Variants in SCN11A observed in about 807,000 individuals in gnomAD.
SCN11A encodes the protein sodium voltage-gated channel alpha subunit 11, also known as sodium channel protein type 11 subunit alpha.
Under a neutral mutation model 162.2 loss-of-function variants are expected in SCN11A, and 122 were observed. The ratio of observed to expected loss-of-function variants is 0.75; its 90% CI spans 0.65 to 0.87. The LOEUF is 0.87. SCN11A is among the 40% of genes least tolerant of loss of function. The probability of loss-of-function intolerance (pLI) is 0.00; values close to 1 mark genes in which losing one functional copy is unlikely to be tolerated. For missense variants in SCN11A, 2,015 were observed against 2,181.6 expected (o/e 0.92, Z 1.52); for synonymous variants, 758 against 751.5 (o/e 1.01, Z -0.14).
intron 2 of SCN11A, among the ~76,000 whole-genome samples, chr3:38,965,149 C>A (rs893766211): frequency 1.3e-5 from 2 of 152,226 alleles, no homozygotes; most frequent in Non-Finnish European, 1.5e-5. Flanking sequence ...CTAATGGAGA[C>A]TCCTAGTAGA....
chr3:39,014,408 C>CT (rs1188698818), intron 2 of SCN11A, among the ~76,000 whole-genome samples: 1 of 152,202 alleles, frequency 6.6e-6, no homozygotes, highest in East Asian at 1.9e-4. Context: ...AAAGGAGCCC[C>CT]TCCCATTTCC....
chr3:39,035,985 T>C (rs1445372133), intron 1 of SCN11A, among the ~76,000 whole-genome samples: 1 of 152,170 alleles, frequency 6.6e-6, no homozygotes, highest in Non-Finnish European at 1.5e-5. Flanking sequence ...GCTAGTCCAA[T>C]CCTCCTTAGG....
chr3:38,901,854 G>A lies in SCN11A; in HGVS notation c.1843-1781C>T, dbSNP rs547428594. On this transcript the variant is annotated intron_variant, in intron 16 of 29. Coordinates refer to ENST00000302328, the MANE Select transcript of SCN11A (RefSeq NM_001349253.2). ...AATTTTTAGGAGCTAGGGTGCAGCT[G>A]CTGCCTGTGTACTTGGAAAACAACA... 4.6e-5 allele frequency among the ~76,000 whole-genome samples: 7 copies of A among 152,306 alleles called. No homozygotes were observed. In the East Asian group the frequency reaches 1.4e-3, roughly 29 times the overall value.
intron 2 of SCN11A, among the ~76,000 whole-genome samples, chr3:39,025,583 G>A (rs1013566186): frequency 1.3e-5 from 2 of 151,970 alleles, no homozygotes; most frequent in South Asian, 4.1e-4. Context: ...CATGGCATTT[G>A]TAAACTGTCA....
intron 7 of SCN11A, among the ~76,000 whole-genome samples, chr3:38,937,666 C>A (rs2066358434): frequency 6.6e-6 from 1 of 152,014 alleles, no homozygotes; most frequent in African/African-American, 2.4e-5. Context: ...ATCAAAACCA[C>A]AATGAGATAC....
At chr3:38,913,453 T>C (rs1160182866) in intron 11 of SCN11A, among the ~76,000 whole-genome samples, 5 of 152,142 alleles carry the variant, frequency 3.3e-5, no homozygotes, top group African/African-American at 1.2e-4. Flanking sequence ...AATAGTTTTT[T>C]GGTTTTTGTT....
chr3:38,949,443 G>A (rs1415896756), intron 5 of SCN11A, among the ~76,000 whole-genome samples: 1 of 152,190 alleles, frequency 6.6e-6, no homozygotes, highest in Admixed American at 6.5e-5. Context: ...CATAGAATCT[G>A]CATGTGCCCA....
At chr3:38,886,011 C>T (rs2065391539) in intron 20 of SCN11A, 114 bp downstream of exon 20, 1 of 665,468 alleles carries the variant, frequency 1.5e-6, no homozygotes, top group East Asian at 2.6e-5. Context: ...TTGCTCAAAA[C>T]TCGATTCTTG....
chr3:38,953,061 G>A (rs1361198514), intron 4 of SCN11A, among the ~76,000 whole-genome samples: 1 of 151,642 alleles, frequency 6.6e-6, no homozygotes, highest in East Asian at 1.9e-4. Flanking sequence ...TTTTTTTGTT[G>A]TTGTTGTTGT....
intron 1 of SCN11A, among the ~76,000 whole-genome samples, chr3:39,038,354 A>G (rs1268760233): frequency 5.3e-5 from 8 of 152,210 alleles, no homozygotes; most frequent in African/African-American, 1.9e-4. Context: ...CTCATTTTCT[A>G]TAGTGGGAGT....
chr3:38,883,648 G>T lies in SCN11A; in HGVS notation c.3065-261C>A, dbSNP rs140094178. On this transcript the variant is annotated intron_variant, in intron 21 of 29. Transcript: ENST00000302328. The stretch of plus-strand genomic sequence containing the variant: ...AAAGCCTTGCATGCTTCCACTTGCT[G>T]TCTTGTGCCATCTCCATAAAAAAAG... 3.4e-3 allele frequency among the ~76,000 whole-genome samples: 511 copies of T among 152,298 alleles called. 4 individuals are homozygous for T. Among genetic ancestry groups the T allele is most frequent in the Middle Eastern group, 0.014 (4 of 294 alleles).
intron 27 of SCN11A, among the ~76,000 whole-genome samples, chr3:38,866,129 AATG>A (rs1403904243): frequency 2.0e-5 from 3 of 152,178 alleles, no homozygotes; most frequent in Non-Finnish European, 2.9e-5. Context: ...ACAACCTATA[AATG>A]TCCAAAGAGG....
intron 1 of SCN11A, among the ~76,000 whole-genome samples, chr3:39,045,896 A>C (rs1390795265): frequency 6.6e-6 from 1 of 152,196 alleles, no homozygotes; most frequent in Non-Finnish European, 1.5e-5. Context: ...AGAAAACTTA[A>C]AGACTTCATC....
chr3:38,910,158 A>G lies in SCN11A; in HGVS notation c.1009T>C (p.Tyr337His). The G allele has an allele frequency of 6.2e-7, 1 of 1,613,666 alleles. No individual in the cohort carries two copies. The highest frequency in any genetic ancestry group is 8.5e-7 in the Non-Finnish European group (1 of 1,179,622). ...AAGTTGTCAAAATTCGTATAATTAT[A>G]GTCAGGATTAATTTTGGTGTGCTTA... ...ECKHTKINPD[Y>H]NYTNFDNFGW... Residue 337 changes from tyrosine to histidine, a missense_variant, in exon 12 of 30, where the codon TAT becomes CAT. Transcript: ENST00000302328.
intron 27 of SCN11A, among the ~76,000 whole-genome samples, chr3:38,866,715 GA>G (rs1390644969): frequency 6.6e-6 from 1 of 152,172 alleles, no homozygotes; most frequent in Non-Finnish European, 1.5e-5. Context: ...ACCTTTGGGT[GA>G]TTTAAATTTT....
chr3:38,959,592 A>G (rs996230479), intron 3 of SCN11A, among the ~76,000 whole-genome samples: 20 of 152,128 alleles, frequency 1.3e-4, no homozygotes, highest in African/African-American at 3.6e-4. Context: ...TGGCCTCACC[A>G]TGACACTCTC....
intron 2 of SCN11A, among the ~76,000 whole-genome samples, chr3:39,018,844 C>A (rs1228831663): frequency 2.0e-5 from 3 of 152,042 alleles, no homozygotes; most frequent in East Asian, 1.9e-4. Context: ...ATAAATAAAT[C>A]ATTGTTTTGA....
At chr3:38,874,119 A>C (rs2065171896) in intron 23 of SCN11A, among the ~76,000 whole-genome samples, 1 of 152,166 alleles carries the variant, frequency 6.6e-6, no homozygotes, top group Non-Finnish European at 1.5e-5. Flanking sequence ...GAGTTGGGTC[A>C]TTTGTGATTT....
chr3:39,039,095 T>A (rs1182506061), intron 1 of SCN11A, among the ~76,000 whole-genome samples: 2 of 152,206 alleles, frequency 1.3e-5, no homozygotes, highest in African/African-American at 4.8e-5. Flanking sequence ...TTCCTCTCTT[T>A]CACCTTCTTC....
Sources: allele counts gnomAD v4.1 joint callset (sites outside exome capture counted in the v4.1 genomes callset), GRCh38; gene constraint gnomAD v4.1.1; transcripts MANE v1.5; gene names NCBI Gene and HGNC (gene_info 2026-07-23, HGNC 2026-07-21).